ZFHX3: variants seen among roughly 807,000 people sequenced by gnomAD.
ZFHX3 encodes zinc finger homeobox protein 3.
A neutral mutation model predicts 279.1 loss-of-function variants in ZFHX3; 42 were observed. The observed-to-expected ratio is 0.15, with a 90% CI of 0.12 to 0.19. ZFHX3 has a LOEUF of 0.19. Ranked by LOEUF, ZFHX3 falls within the 10% of genes least tolerant of loss-of-function variation. The pLI is 1.00. For missense variants in ZFHX3, 4,981 were observed against 4,754.0 expected, an observed-to-expected ratio of 1.05 and a Z score of -1.40; for synonymous variants, 2,293 against 1,957.8, an observed-to-expected ratio of 1.17 and a Z score of -4.52.
chr16:73,678,142 G>A (rs151206831), intron 2 of ZFHX3, among the ~76,000 whole-genome samples: 51 of 152,174 alleles, frequency 3.4e-4, no homozygotes, highest in Non-Finnish European at 5.1e-4. Context: ...TAGTGATACA[G>A]GAAATTATTT....
chr16:73,385,060 G>C (rs927113028), intron 3 of ZFHX3, among the ~76,000 whole-genome samples: 5 of 152,116 alleles, frequency 3.3e-5, no homozygotes, highest in African/African-American at 1.2e-4. Flanking sequence ...ATTTCATGAC[G>C]CTAAGAAGGC....
intron 1 of ZFHX3, among the ~76,000 whole-genome samples, chr16:73,740,472 A>T (rs1247804394): frequency 6.6e-6 from 1 of 152,050 alleles, no homozygotes; most frequent in East Asian, 1.9e-4. Flanking sequence ...TCTAGCCCAG[A>T]TCCGTCATTG....
chr16:73,144,602 C>T lies in ZFHX3; in HGVS notation c.-1103-771G>A, dbSNP rs369203258. ...ATTGTTTGGCTGGGGAGAAAGGAGA[C>T]GGGAAGGAACATTATACACCACGCT... On this transcript the variant is annotated intron_variant, in intron 5 of 17. Coordinates refer to the ZFHX3 transcript ENST00000641206. Among the ~76,000 whole-genome samples, 86 of 152,168 alleles carry T rather than the reference C, an allele frequency of 5.7e-4. No individual in the cohort carries two copies. The South Asian group carries it at 0.011, about 19-fold the overall frequency.
intron 8 of ZFHX3, among the ~76,000 whole-genome samples, chr16:73,083,649 C>T (rs1027357632): frequency 2.0e-5 from 3 of 152,158 alleles, no homozygotes; most frequent in African/African-American, 7.2e-5. Context: ...CTCACCTCAG[C>T]CTTCTGAGTA....
At position 73,011,919 on chromosome 16, in the gene ZFHX3, A is replaced by G. The variant is rs145760961; in HGVS notation, c.-50+35833T>C. 6.5e-3 allele frequency among the ~76,000 whole-genome samples: 987 copies of G among 152,280 alleles called. 10 individuals carry two copies. The highest frequency in any genetic ancestry group is 0.049 in the East Asian group (254 of 5,182). ...ATTCTGGGGCACCAGGTAAGTTTCTATCGAGGGGTAGAAGCTGACTTCTGT... is the reference window on the plus strand; with the variant it reads ...ATTCTGGGGCACCAGGTAAGTTTCTGTCGAGGGGTAGAAGCTGACTTCTGT... On this transcript the variant is annotated intron_variant, in intron 1 of 9. Coordinates refer to ENST00000268489, the MANE Select transcript of ZFHX3 (RefSeq NM_006885.4).
Position 72,797,732 on chromosome 16 carries a change from G to T in ZFHX3, c.4950C>A (p.Ser1650=). The change falls in exon 9 of 10, where the codon TCC becomes TCA. Residue 1650 remains serine, a synonymous_variant. Coordinates refer to ENST00000268489, the MANE Select transcript of ZFHX3 (RefSeq NM_006885.4). ...GNSSSISLSS[S]TPSPVSTSGS... Reference sequence around the variant, plus strand: ...CACTGGTGCTCACAGGACTTGGCGTGGAGGAGCTCAAGGAAATACTGCTGC... The same window carrying T: ...CACTGGTGCTCACAGGACTTGGCGTTGAGGAGCTCAAGGAAATACTGCTGC... The T allele has an allele frequency of 6.8e-6, 11 of 1,614,136 alleles. No individual in the cohort carries two copies. The highest frequency in any genetic ancestry group is 8.5e-6 in the Non-Finnish European group (10 of 1,180,036).
At chr16:72,998,075 C>T (rs1963359976) in intron 1 of ZFHX3, among the ~76,000 whole-genome samples, 1 of 151,756 alleles carries the variant, frequency 6.6e-6, no homozygotes, top group Admixed American at 6.6e-5. Context: ...AAGACCCTGT[C>T]CAAACAACAA....
chr16:73,126,201 T>C (rs1046347734), intron 7 of ZFHX3, among the ~76,000 whole-genome samples: 4 of 152,050 alleles, frequency 2.6e-5, no homozygotes, highest in Non-Finnish European at 4.4e-5. Context: ...CACTGAGGAC[T>C]TCAGAGAAGA....
chr16:73,514,338 A>ATGC (rs1378446840), intron 2 of ZFHX3, among the ~76,000 whole-genome samples: 1 of 152,222 alleles, frequency 6.6e-6, no homozygotes, highest in African/African-American at 2.4e-5. Flanking sequence ...ACTATTATTA[A>ATGC]TGCTGCTGCT....
intron 1 of ZFHX3, among the ~76,000 whole-genome samples, chr16:73,012,548 T>C (rs925817029): frequency 2.0e-5 from 3 of 152,062 alleles, no homozygotes; most frequent in South Asian, 2.1e-4. Flanking sequence ...TGCCCAACGG[T>C]GGCTACACAC....
chr16:73,866,712 A>G (rs1962031261), intron 1 of ZFHX3, among the ~76,000 whole-genome samples: 1 of 152,176 alleles, frequency 6.6e-6, no homozygotes, highest in South Asian at 2.1e-4. Flanking sequence ...TCCCTCAGAA[A>G]CCGGATTTGA....
intron 2 of ZFHX3, among the ~76,000 whole-genome samples, chr16:73,559,516 T>C (rs1429807966): frequency 6.6e-6 from 1 of 152,166 alleles, no homozygotes; most frequent in Non-Finnish European, 1.5e-5. Flanking sequence ...TAGAAGATAC[T>C]GGGCCACCTA....
intron 4 of ZFHX3, among the ~76,000 whole-genome samples, chr16:73,314,615 G>A (rs943469135): frequency 2.0e-5 from 3 of 152,112 alleles, no homozygotes; most frequent in Non-Finnish European, 4.4e-5. Flanking sequence ...GACATGAAAT[G>A]AGGGGATGAA....
intron 2 of ZFHX3, among the ~76,000 whole-genome samples, chr16:73,597,590 C>T (rs879611420): frequency 6.6e-6 from 1 of 152,144 alleles, no homozygotes; most frequent in Admixed American, 6.5e-5. Flanking sequence ...CATGAGAACA[C>T]ACAGAGAGGA....
intron 1 of ZFHX3, among the ~76,000 whole-genome samples, chr16:73,768,930 C>T (rs559569074): frequency 5.3e-5 from 8 of 152,092 alleles, no homozygotes; most frequent in Non-Finnish European, 1.0e-4. Flanking sequence ...TACTTTATCT[C>T]GCCAAACACA....
intron 1 of ZFHX3, among the ~76,000 whole-genome samples, chr16:73,786,490 C>T (rs994622425): frequency 1.3e-5 from 2 of 152,144 alleles, no homozygotes; most frequent in African/African-American, 2.4e-5. Flanking sequence ...TCTCAGCTGA[C>T]AGTATCTGTA....
intron 1 of ZFHX3, among the ~76,000 whole-genome samples, chr16:73,840,528 T>C (rs1015650582): frequency 6.6e-6 from 1 of 152,172 alleles, no homozygotes; most frequent in African/African-American, 2.4e-5. Flanking sequence ...ACAATGTCCT[T>C]TGATATAGAA....
chr16:72,903,687 T>C (rs1205070971), intron 3 of ZFHX3, among the ~76,000 whole-genome samples: 1 of 152,150 alleles, frequency 6.6e-6, no homozygotes, highest in African/African-American at 2.4e-5. Context: ...TTTTATTAGT[T>C]GAGAAAGATC....
At chr16:73,437,972 C>T (rs1490046448) in intron 3 of ZFHX3, among the ~76,000 whole-genome samples, 1 of 152,126 alleles carries the variant, frequency 6.6e-6, no homozygotes, top group East Asian at 1.9e-4. Context: ...GGATGATATT[C>T]TCTTTCAACA....
Sources: allele counts gnomAD v4.1 joint callset (sites outside exome capture counted in the v4.1 genomes callset), GRCh38; gene constraint gnomAD v4.1.1; transcripts MANE v1.5; gene names NCBI Gene and HGNC (gene_info 2026-07-23, HGNC 2026-07-21).